PTPRF: variants seen among roughly 807,000 people sequenced by gnomAD.
PTPRF encodes the protein receptor-type tyrosine-protein phosphatase F.
A neutral mutation model predicts 201.8 loss-of-function variants in PTPRF; 59 were observed. That is an observed-to-expected ratio of 0.29 (90% CI 0.24 to 0.36). The LOEUF is 0.36. Ranked by LOEUF, PTPRF falls within the 10% of genes least tolerant of loss-of-function variation. The pLI is 1.00. For synonymous variants in PTPRF, 1,088 were observed against 1,089.7 expected, an observed-to-expected ratio of 1.00 and a Z score of 0.03; for missense variants, 2,132 against 2,690.5, an observed-to-expected ratio of 0.79 and a Z score of 4.59.
At chr1:43,600,996 C>T (rs3791147) in intron 13 of PTPRF, among the ~76,000 whole-genome samples, 56,105 of 152,072 alleles carry the variant, frequency 0.37, 10,751 homozygotes, top group East Asian at 0.56. Flanking sequence ...CTGGAAGGGA[C>T]GTGGGCCCAG....
intron 11 of PTPRF, among the ~76,000 whole-genome samples, chr1:43,593,082 G>A (rs1651278580): frequency 6.6e-6 from 1 of 152,220 alleles, no homozygotes; most frequent in South Asian, 2.1e-4. Context: ...ATCACCCTGA[G>A]CTGACTGCAC....
intron 5 of PTPRF, among the ~76,000 whole-genome samples, chr1:43,567,465 G>A (rs1557728848): frequency 6.6e-6 from 1 of 152,238 alleles, no homozygotes; most frequent in South Asian, 2.1e-4. Flanking sequence ...CTGCAGGTGG[G>A]GAAACGTACA....
chr1:43,595,146 AG>A (rs1651924108), intron 11 of PTPRF, among the ~76,000 whole-genome samples: 1 of 152,260 alleles, frequency 6.6e-6, no homozygotes, highest in African/African-American at 2.4e-5. Context: ...GCTCTGAACA[AG>A]GGGACCACTA....
chr1:43,531,705 G>A (rs1643553652), intron 1 of PTPRF, among the ~76,000 whole-genome samples: 2 of 152,018 alleles, frequency 1.3e-5, no homozygotes, highest in South Asian at 4.1e-4. Flanking sequence ...ACGGGATGGG[G>A]AGGGGCCGAA....
chr1:43,613,560 C>G lies in PTPRF; in HGVS notation c.3974-58C>G, dbSNP rs1031148112. On this transcript the variant is annotated intron_variant, in intron 22 of 33. Transcript: ENST00000359947. The stretch of plus-strand genomic sequence containing the variant: ...GCACATACATGCGTTGGGGCTTTCT[C>G]TGCCACACTGCTCAAGCCTCACACT... 378 of 1,427,718 alleles carry G rather than the reference C, an allele frequency of 2.6e-4. 1 individual carries two copies. In the African/African-American group the frequency reaches 4.9e-3, roughly 19 times the overall value. 88.4% of individuals were successfully genotyped at this position (1,427,718 alleles called of 1,614,324 possible).
chr1:43,622,071 A>C lies in PTPRF; in HGVS notation c.*68A>C. ...GGAGGGGACCCAGCTCCTCTGAGCC[A>C]TACCGACCATCGTCCAGCCCTCCTA... On this transcript the variant is annotated 3_prime_UTR_variant, in exon 34 of 34. Coordinates refer to ENST00000359947, the MANE Select transcript of PTPRF (RefSeq NM_002840.5). 6.6e-7 allele frequency: 1 copy of C among 1,518,346 alleles called. No homozygotes were observed. Among genetic ancestry groups the C allele is most frequent in the South Asian group, 1.1e-5 (1 of 89,108 alleles). The allele number at this position is 1,518,346 out of a possible 1,614,324, so 94.1% of individuals were successfully genotyped here. A position where few individuals can be genotyped will look rare whatever the true frequency, so the allele number is the denominator to read the frequency against.
chr1:43,589,754 G>A (rs1211799011), intron 8 of PTPRF, among the ~76,000 whole-genome samples: 1 of 150,786 alleles, frequency 6.6e-6, no homozygotes, highest in Admixed American at 6.6e-5. Context: ...CCAGCTACTT[G>A]GGAGGGCTGA....
chr1:43,622,189 G>C lies in PTPRF; in HGVS notation c.*186G>C. ...AATCAGAGAGCCTAGAACATCCCTG[G>C]GCAAGTGGATGGCCCAGCAGGCAGG... On this transcript the variant is annotated 3_prime_UTR_variant, in exon 34 of 34. Coordinates refer to ENST00000359947, the MANE Select transcript of PTPRF (RefSeq NM_002840.5). The C allele has an allele frequency of 1.6e-6, 1 of 643,664 alleles. No homozygotes were observed. The allele number at this position is 643,664 out of a possible 1,614,324, so 39.9% of individuals were successfully genotyped here.
intron 3 of PTPRF, among the ~76,000 whole-genome samples, chr1:43,545,592 A>G (rs1454746123): frequency 6.6e-6 from 1 of 152,138 alleles, no homozygotes; most frequent in Non-Finnish European, 1.5e-5. Context: ...GGGTGTGTCC[A>G]TAGGCCCAAG....
At chr1:43,570,854 A>G (rs1462871677) in intron 6 of PTPRF, among the ~76,000 whole-genome samples, 2 of 152,202 alleles carry the variant, frequency 1.3e-5, no homozygotes, top group African/African-American at 4.8e-5. Flanking sequence ...CAGTTAATTA[A>G]AACAGCCATA....
In PTPRF at chr1:43,569,742, G is replaced by T; in HGVS notation, c.532G>T (p.Ala178Ser). Residue 178 changes from alanine to serine, a missense_variant, in exon 6 of 34, where the codon GCC becomes TCC. Transcript: ENST00000359947. Reference protein sequence around the residue: ...WFKDFLPVDPATSNGRIKQLR... With the variant: ...WFKDFLPVDPSTSNGRIKQLR... ...CAAGGACTTCCTTCCTGTAGACCCT[G>T]CCACGAGCAACGGCCGCATCAAGCA... is the stretch of plus-strand genomic sequence containing the variant. 2 of 1,613,346 alleles carry T rather than the reference G, an allele frequency of 1.2e-6. No individual in the cohort carries two copies. The highest frequency in any genetic ancestry group is 1.7e-6 in the Non-Finnish European group (2 of 1,179,500).
intron 1 of PTPRF, among the ~76,000 whole-genome samples, chr1:43,533,667 C>CT (rs1643832520): frequency 6.6e-6 from 1 of 152,090 alleles, no homozygotes; most frequent in African/African-American, 2.4e-5. Context: ...TTGTAAGAAT[C>CT]CAAGGGAACT....
intron 5 of PTPRF, among the ~76,000 whole-genome samples, chr1:43,558,111 G>A (rs1199058168): frequency 1.3e-5 from 2 of 152,264 alleles, no homozygotes; most frequent in African/African-American, 4.8e-5. Flanking sequence ...TTCTTGGGAG[G>A]CCACCACAGG....
rs1655916681 is a variant in PTPRF, at chr1:43,609,421, C to T, written c.3896C>T (p.Ser1299Leu). Residue 1299 changes from serine to leucine, a missense_variant, in exon 22 of 34, where the codon TCG (serine) becomes TTG (leucine). This residue lies in a region of PTPRF where 818 missense variants were observed against 915.3 expected (regional missense o/e 0.89). Coordinates refer to ENST00000359947, the MANE Select transcript of PTPRF (RefSeq NM_002840.5). Reference sequence around the variant, plus strand: ...TCTCCGTCCTCTAAGGATGAGCAGTCGATCGGACTGAAGGACTCCTTGCTG... The same window carrying T: ...TCTCCGTCCTCTAAGGATGAGCAGTTGATCGGACTGAAGGACTCCTTGCTG... ...THSPSSKDEQSIGLKDSLLAH... is the reference protein window; with the variant it reads ...THSPSSKDEQLIGLKDSLLAH... 20 of 1,614,084 alleles carry T rather than the reference C, an allele frequency of 1.2e-5. No homozygotes were observed. The highest frequency in any genetic ancestry group is 2.2e-5 in the East Asian group (1 of 44,882).
chr1:43,597,737 GTC>G lies in PTPRF; in HGVS notation c.1814-9_1814-8del. 2.0e-6 allele frequency: 2 copies of G among 1,018,316 alleles called. No homozygotes were observed. The highest frequency in any genetic ancestry group is 2.8e-6 in the Non-Finnish European group (2 of 722,122). The allele number at this position is 1,018,316 out of a possible 1,614,324, so 63.1% of individuals were successfully genotyped here. A position where few individuals can be genotyped will look rare whatever the true frequency, so the allele number is the denominator to read the frequency against. The stretch of plus-strand genomic sequence containing the variant: ...CCATCTGCTTGCTTCCCCCCCATTT[GTC>G]TTCCCCAGCCCCCTCCGCCCCTCCC... On this transcript the variant is annotated splice_polypyrimidine_tract_variant and intron_variant, in intron 11 of 33. Transcript: ENST00000359947.
chr1:43,603,756 A>G lies in PTPRF; in HGVS notation c.2604A>G (p.Ile868Met). The G allele has an allele frequency of 6.2e-7, 1 of 1,613,956 alleles. No individual in the cohort carries two copies. ...CCGACGAGGCGCGGCCCAACACCAT[A>G]GATTTCGGCAAGGATGACCAGCACT... ...CRADEARPNT[I>M]DFGKDDQHFT... Residue 868 changes from isoleucine (I) to methionine (M), a missense_variant, in exon 16 of 34, where the codon ATA becomes ATG. Physicochemically the swap from Ile to Met is conservative, Grantham distance 10. Around this residue, in one of 6 missense-constraint regions of PTPRF, gnomAD observed 818 missense variants for 915.3 expected, o/e 0.89. Coordinates refer to ENST00000359947, the MANE Select transcript of PTPRF (RefSeq NM_002840.5). The surrounding 1 kb of genome is among the most constrained non-coding windows in gnomAD (Gnocchi z 5.8).
chr1:43,569,378 C>T (rs563225650), intron 5 of PTPRF, among the ~76,000 whole-genome samples: 21 of 152,320 alleles, frequency 1.4e-4, no homozygotes, highest in South Asian at 1.0e-3. Context: ...CCTGACAGGG[C>T]AGGGGTGGGC....
chr1:43,618,540 T>TAC, intron 25 of PTPRF, 90 bp from the exon 26 acceptor site: 1 of 1,487,606 alleles, frequency 6.7e-7, no homozygotes, highest in Non-Finnish European at 9.1e-7. Flanking sequence ...CCAGAAAGGC[T>TAC]ACAGCCAGGG....
rs374531518 is a variant in PTPRF, at chr1:43,569,668, C to T, written c.458C>T (p.Thr153Ile). 2.5e-6 allele frequency: 4 copies of T among 1,614,098 alleles called. No homozygotes were observed. The highest frequency in any genetic ancestry group is 3.4e-6 in the Non-Finnish European group (4 of 1,179,950). Residue 153 changes from threonine to isoleucine, a missense_variant, in exon 6 of 34, where the codon ACC becomes ATC. Transcript: ENST00000359947. ...LKVVEKARTA[T>I]MLCAAGGNPD... The stretch of plus-strand genomic sequence containing the variant: ...GTGGTGGAGAAGGCACGCACAGCCA[C>T]CATGCTATGTGCCGCAGGCGGAAAT...
Sources: gnomAD v4.1 joint callset for allele counts (sites outside exome capture counted in the v4.1 genomes callset) on GRCh38, gnomAD v4.1.1 for gene constraint, gnomAD v4.1.1 regional missense constraint, Gnocchi (gnomAD v3.1) non-coding constraint, MANE v1.5 for transcripts, NCBI Gene and HGNC (gene_info 2026-07-23, HGNC 2026-07-21) for gene names.